Variants in CHCHD3 observed in about 807,000 individuals in gnomAD.
CHCHD3 encodes MICOS complex subunit MIC19.
A neutral mutation model predicts 38.2 loss-of-function variants in CHCHD3; 20 were observed. That is an observed-to-expected ratio of 0.52 (90% CI 0.37 to 0.76). The LOEUF (loss-of-function observed/expected upper bound fraction) is 0.76. Among genes scored for constraint, CHCHD3 ranks in the 30% least tolerant of loss-of-function variants. The pLI, the probability that CHCHD3 is intolerant of heterozygous loss-of-function variation, is 0.00. For synonymous variants in CHCHD3, 82 were observed against 100.0 expected (o/e 0.82, Z 1.07); for missense variants, 245 against 279.2 (o/e 0.88, Z 0.87).
chr7:132,799,112 G>A (rs1416537992), intron 6 of CHCHD3, among the ~76,000 whole-genome samples: 1 of 151,792 alleles, frequency 6.6e-6, no homozygotes, highest in Non-Finnish European at 1.5e-5. Context: ...TTTGATGGTA[G>A]AAAGAGGGGA....
intron 1 of CHCHD3, among the ~76,000 whole-genome samples, 173 bp from the exon 2 acceptor site, chr7:133,070,402 C>T (rs931175080): frequency 3.9e-5 from 6 of 152,142 alleles, no homozygotes; most frequent in South Asian, 4.1e-4. Context: ...TTTAAGATTT[C>T]GAGATGCACC....
At chr7:132,851,536 C>T (rs1305879155) in intron 5 of CHCHD3, among the ~76,000 whole-genome samples, 1 of 152,168 alleles carries the variant, frequency 6.6e-6, no homozygotes, top group Non-Finnish European at 1.5e-5. Flanking sequence ...TTCTATATTA[C>T]ACACCTGAGA....
At chr7:132,834,874 C>T (rs553714430) in intron 6 of CHCHD3, among the ~76,000 whole-genome samples, 24 of 152,250 alleles carry the variant, frequency 1.6e-4, no homozygotes, top group African/African-American at 5.1e-4. Flanking sequence ...ATAAACTCAC[C>T]TCCCCAGAGG....
In CHCHD3 at chr7:133,035,386, A is replaced by T. The variant is rs1813642795; in HGVS notation, c.170-10759T>A. 6.2e-7 allele frequency: 1 copy of T among 1,613,366 alleles called. No homozygotes were observed. The highest frequency in any genetic ancestry group is 1.1e-5 in the South Asian group (1 of 91,062). On this transcript the variant is annotated intron_variant, in intron 2 of 7. Transcript: ENST00000262570. This position sits in a 1 kb window ranked among gnomAD's most constrained non-coding sequence, Gnocchi z 4.7. ...GTATTGCGAAAGGCCCGGCGGAAAGAAGGCTCTAGAACCTGCTTATAGAGC... is the reference window on the plus strand; with the variant it reads ...GTATTGCGAAAGGCCCGGCGGAAAGTAGGCTCTAGAACCTGCTTATAGAGC...
Position 133,009,787 on chromosome 7 carries a change from G to A in CHCHD3, c.251+14759C>T, listed in dbSNP as rs547577054. On this transcript the variant is annotated intron_variant, in intron 3 of 7. Coordinates refer to ENST00000262570, the MANE Select transcript of CHCHD3 (RefSeq NM_017812.4). ...GCTCTGGTTCAGTCTCATGTAAAAT[G>A]TAAGTGCAAACTATAGTACATGTTG... Among the ~76,000 whole-genome samples, 5 of 152,294 alleles carry A rather than the reference G, an allele frequency of 3.3e-5. No individual in the cohort carries two copies. The South Asian group carries it at 1.0e-3, about 32-fold the overall frequency.
rs146912120 is a variant in CHCHD3 at position 133,034,508 on chromosome 7, C to CTTTTTTTTTTTTTTTTTTTTTTTTTTT, written c.170-9882_170-9881insAAAAAAAAAAAAAAAAAAAAAAAAAAA. 3.2e-5 allele frequency: 9 copies of CTTTTTTTTTTTTTTTTTTTTTTTTTTT among 285,196 alleles called. 1 individual carries two copies. The highest frequency in any genetic ancestry group is 2.2e-4 in the Admixed American group (3 of 13,400). 17.7% of individuals were successfully genotyped at this position (285,196 alleles called of 1,614,324 possible). On this transcript the variant is annotated intron_variant, in intron 2 of 7. Transcript: ENST00000262570. Reference sequence around the variant, plus strand: ...AGTCCTTTCAGCAATTGGATCCAGTCTTTTTTTTTTTTTTTTTTTTTTCAA... The same window carrying CTTTTTTTTTTTTTTTTTTTTTTTTTTT: ...AGTCCTTTCAGCAATTGGATCCAGTCTTTTTTTTTTTTTTTTTTTTTTTTTTTTTTTTTTTTTTTTTTTTTTTTTCAA...
intron 4 of CHCHD3, among the ~76,000 whole-genome samples, chr7:132,921,112 G>A (rs913969996): frequency 8.5e-5 from 13 of 152,136 alleles, no homozygotes; most frequent in African/African-American, 2.9e-4. Context: ...ATATCATTAA[G>A]TATAGAACAA....
chr7:132,890,715 C>A (rs1015790251), intron 4 of CHCHD3, among the ~76,000 whole-genome samples: 2 of 152,074 alleles, frequency 1.3e-5, no homozygotes. Flanking sequence ...ACTATGAAGC[C>A]AGAGATTACT....
chr7:132,888,298 T>C (rs1184979528), intron 4 of CHCHD3, among the ~76,000 whole-genome samples: 1 of 151,876 alleles, frequency 6.6e-6, no homozygotes, highest in Non-Finnish European at 1.5e-5. Flanking sequence ...AAAAGAAACA[T>C]ACTTTATAGT....
chr7:132,805,272 A>G (rs1469298884), intron 6 of CHCHD3, among the ~76,000 whole-genome samples: 4 of 151,890 alleles, frequency 2.6e-5, no homozygotes, highest in African/African-American at 9.7e-5. Context: ...GGCAGTATAC[A>G]CTACAGCTGT....
chr7:133,032,042 GA>G (rs1184734432), intron 2 of CHCHD3, among the ~76,000 whole-genome samples: 2 of 152,142 alleles, frequency 1.3e-5, no homozygotes, highest in Non-Finnish European at 2.9e-5. Flanking sequence ...TAGGTTACAG[GA>G]TAAATCTTGT....
At chr7:133,063,971 CCT>C (rs1814596925) in intron 2 of CHCHD3, among the ~76,000 whole-genome samples, 1 of 152,086 alleles carries the variant, frequency 6.6e-6, no homozygotes, top group African/African-American at 2.4e-5. Context: ...GTTCACTTCC[CCT>C]GATGCCAGGC....
Position 132,963,322 on chromosome 7 carries a change from A to ATT in CHCHD3, c.369+11845_369+11846dup, listed in dbSNP as rs1005146883. On this transcript the variant is annotated intron_variant, in intron 4 of 7. Coordinates refer to ENST00000262570, the MANE Select transcript of CHCHD3 (RefSeq NM_017812.4). ...TTAAGAAAGGAATTTTAAAATTGTA[A>ATT]TTTTTTTTTTTTTTTTTTTTTTTTT... Among the ~76,000 whole-genome samples the ATT allele has an allele frequency of 2.8e-3, 244 of 87,590 alleles. 10 individuals are homozygous for ATT. Among genetic ancestry groups the ATT allele is most frequent in the African/African-American group, 3.4e-3 (71 of 20,802 alleles). The allele number at this position is 87,590 out of a possible 152,430, so 57.5% of individuals were successfully genotyped here. A position where few individuals can be genotyped will look rare whatever the true frequency, so the allele number is the denominator to read the frequency against.
At chr7:132,984,535 T>C (rs1321984869) in intron 3 of CHCHD3, among the ~76,000 whole-genome samples, 28 of 137,650 alleles carry the variant, frequency 2.0e-4, no homozygotes, top group African/African-American at 3.2e-4. Flanking sequence ...TCGTCTGGGA[T>C]GTGAGGAGCC....
In CHCHD3 at chr7:132,817,908, T is replaced by A. The variant is rs551478030; in HGVS notation, c.524+20491A>T. ...CCCTGTCTCAAAAAAAAAATAAAAA[T>A]AAAAATAAAAGAAAGAAAGAAAGAA... On this transcript the variant is annotated intron_variant, in intron 6 of 7. Coordinates refer to ENST00000262570, the MANE Select transcript of CHCHD3 (RefSeq NM_017812.4). Among the ~76,000 whole-genome samples, 9 of 148,754 alleles carry A rather than the reference T, an allele frequency of 6.1e-5. No homozygotes were observed. In the East Asian group the frequency reaches 1.8e-3, roughly 30 times the overall value.
At chr7:133,018,875 CTTTTTT>C (rs5887607) in intron 3 of CHCHD3, among the ~76,000 whole-genome samples, 203 of 70,172 alleles carry the variant, frequency 2.9e-3, no homozygotes, top group African/African-American at 0.011. Flanking sequence ...CATGATTTCT[CTTTTTT>C]TTTTTTTTTT....
At chr7:133,070,481 A>G (rs905851882) in intron 1 of CHCHD3, among the ~76,000 whole-genome samples, 2 of 152,170 alleles carry the variant, frequency 1.3e-5, no homozygotes, top group African/African-American at 4.8e-5. Flanking sequence ...TACACTCTTC[A>G]TTTTATACTA....
chr7:132,956,441 C>T (rs1811169652), intron 4 of CHCHD3, among the ~76,000 whole-genome samples: 1 of 152,174 alleles, frequency 6.6e-6, no homozygotes, highest in Non-Finnish European at 1.5e-5. Context: ...AAACACACAT[C>T]AGTACAGACA....
Position 132,915,800 on chromosome 7 carries a change from C to A in CHCHD3, c.370-30055G>T, listed in dbSNP as rs762378943. Among the ~76,000 whole-genome samples, 7 of 152,216 alleles carry A rather than the reference C, an allele frequency of 4.6e-5. No individual in the cohort carries two copies. The East Asian group carries it at 1.2e-3, about 25-fold the overall frequency. On this transcript the variant is annotated intron_variant, in intron 4 of 7. Transcript: ENST00000262570. ...ACATTCTTCATTCTTTTAATCTTTG[C>A]TCCTATTGCTACCTAGCCAATCCTT...
Sources: gnomAD v4.1 joint callset for allele counts (sites outside exome capture counted in the v4.1 genomes callset) on GRCh38, gnomAD v4.1.1 for gene constraint, Gnocchi (gnomAD v3.1) non-coding constraint, MANE v1.5 for transcripts, NCBI Gene and HGNC (gene_info 2026-07-23, HGNC 2026-07-21) for gene names.